Variants in CASP10 observed in about 807,000 individuals in gnomAD.
The protein encoded by CASP10 is caspase 10.
CASP10 carries 41 observed loss-of-function variants against 48.5 expected under a neutral mutation model. The observed-to-expected ratio is 0.85, with a 90% CI of 0.66 to 1.10. CASP10 has a LOEUF of 1.10. Among genes scored for constraint, CASP10 ranks in the 50% least tolerant of loss-of-function variants. CASP10 has a pLI of 0.00. For missense variants in CASP10, 614 were observed against 614.5 expected (o/e 1.00, Z 0.01); for synonymous variants, 232 against 238.4 (o/e 0.97, Z 0.25).
At position 201,218,178 on chromosome 2, in the gene CASP10, C is replaced by A. The variant is rs1340540877; in HGVS notation, c.*437C>A. On this transcript the variant is annotated 3_prime_UTR_variant, in exon 10 of 10. Transcript: ENST00000286186. ...CCCAAGTGATCCTCCCACCTCTGTCCCCAAAATACTGGGATTATAGGCACG... is the reference window on the plus strand; with the variant it reads ...CCCAAGTGATCCTCCCACCTCTGTCACCAAAATACTGGGATTATAGGCACG... 9.7e-7 allele frequency: 1 copy of A among 1,027,312 alleles called. No individual in the cohort carries two copies. Among genetic ancestry groups the A allele is most frequent in the African/African-American group, 1.8e-5 (1 of 56,518 alleles). The allele number at this position is 1,027,312 out of a possible 1,614,324, so 63.6% of individuals were successfully genotyped here. A position where few individuals can be genotyped will look rare whatever the true frequency, so the allele number is the denominator to read the frequency against.
chr2:201,210,364 C>G (rs1336930953), intron 9 of CASP10, among the ~76,000 whole-genome samples: 1 of 152,244 alleles, frequency 6.6e-6, no homozygotes, highest in African/African-American at 2.4e-5. Context: ...TTTATATCCT[C>G]AGCCCCTGAC....
chr2:201,185,684 G>A (rs1944389314), intron 1 of CASP10, 87 bp from the exon 2 acceptor site: 1 of 843,054 alleles, frequency 1.2e-6, no homozygotes, highest in African/African-American at 1.7e-5. Flanking sequence ...GAACGGAGAA[G>A]GTTGTGGTGA....
At chr2:201,222,763 C>T (rs992014738), downstream of CASP10, among the ~76,000 whole-genome samples, 1 of 152,148 alleles carries the variant, frequency 6.6e-6, no homozygotes, top group Non-Finnish European at 1.5e-5. Context: ...GCATCTGGTA[C>T]GCTGTGGTAC....
chr2:201,192,394 A>AAATAATAATAATAAT (rs35491925), intron 3 of CASP10, among the ~76,000 whole-genome samples: 33 of 148,984 alleles, frequency 2.2e-4, no homozygotes, highest in Admixed American at 1.0e-3. Flanking sequence ...CTCCATCTCA[A>AAATAATAATAATAAT]AATAATAATA....
chr2:201,215,469 T>C (rs1945541876), intron 9 of CASP10, among the ~76,000 whole-genome samples: 1 of 152,142 alleles, frequency 6.6e-6, no homozygotes, highest in Non-Finnish European at 1.5e-5. Flanking sequence ...TTTTTCTGTG[T>C]ATGGATATTC....
chr2:201,228,923 T>C (rs763789686), intron 9 of CASP10: 1 of 1,613,906 alleles, frequency 6.2e-7, no homozygotes, highest in Admixed American at 1.7e-5. Context: ...TTTCTCTTTG[T>C]GCTCAGTAGG....
Position 201,218,262 on chromosome 2 carries a change from T to C in CASP10, c.*521T>C. 2.0e-6 allele frequency: 2 copies of C among 1,009,236 alleles called. No homozygotes were observed. Among genetic ancestry groups the C allele is most frequent in the Non-Finnish European group, 2.4e-6 (2 of 844,366 alleles). 62.5% of individuals were successfully genotyped at this position (1,009,236 alleles called of 1,614,324 possible). Reference sequence around the variant, plus strand: ...TGAAGACTTGGATTGTAGCCTTGGTTTTGGATGTCTATTCTGAAGACAGAG... The same window carrying C: ...TGAAGACTTGGATTGTAGCCTTGGTCTTGGATGTCTATTCTGAAGACAGAG... On this transcript the variant is annotated 3_prime_UTR_variant, in exon 10 of 10. Transcript: ENST00000286186.
chr2:201,199,222 T>A (rs895586309), intron 5 of CASP10, among the ~76,000 whole-genome samples: 1 of 152,226 alleles, frequency 6.6e-6, no homozygotes, highest in Non-Finnish European at 1.5e-5. Context: ...CAATTATCAA[T>A]GCCAGTAAAG....
In CASP10 at chr2:201,195,871, A is replaced by G. The variant is rs754547719; in HGVS notation, c.607A>G (p.Lys203Glu). 1.2e-6 allele frequency: 2 copies of G among 1,613,806 alleles called. No homozygotes were observed. Among genetic ancestry groups the G allele is most frequent in the South Asian group, 1.1e-5 (1 of 91,076 alleles). Reference sequence around the variant, plus strand: ...CCAGATAGTGACACCTCCTGTAGACAAGGAAGCCGAGTCGTATCAAGGAGA... The same window carrying G: ...CCAGATAGTGACACCTCCTGTAGACGAGGAAGCCGAGTCGTATCAAGGAGA... Reference protein sequence around the residue: ...AIQIVTPPVDKEAESYQGEEE... With the variant: ...AIQIVTPPVDEEAESYQGEEE... Residue 203 changes from lysine to glutamate, a missense_variant, in exon 5 of 10, where the codon AAG becomes GAG. Physicochemically the swap from Lys to Glu is moderately conservative, Grantham distance 56. Coordinates refer to ENST00000286186, the MANE Select transcript of CASP10 (RefSeq NM_032977.4).
intron 5 of CASP10, among the ~76,000 whole-genome samples, chr2:201,198,273 G>T (rs1944876103): frequency 6.6e-6 from 1 of 150,484 alleles, no homozygotes; most frequent in South Asian, 2.1e-4. Flanking sequence ...GCCCAGGCTG[G>T]AGTGCAGTGG....
At position 201,208,941 on chromosome 2, in the gene CASP10, G is replaced by C; in HGVS notation, c.923-129G>C. The C allele has an allele frequency of 3.0e-6, 3 of 1,015,132 alleles. No homozygotes were observed. The South Asian group carries it at 4.9e-5, about 17-fold the overall frequency. 62.9% of individuals were successfully genotyped at this position (1,015,132 alleles called of 1,614,324 possible). A position where few individuals can be genotyped will look rare whatever the true frequency, so the allele number is the denominator to read the frequency against. ...GATCCGCCTGCTTCGGCCTTCCAAA[G>C]TGCTGAGATTATAGGTGTGAGCCAC... is the stretch of plus-strand genomic sequence containing the variant. On this transcript the variant is annotated intron_variant, in intron 8 of 9. Coordinates refer to ENST00000286186, the MANE Select transcript of CASP10 (RefSeq NM_032977.4).
chr2:201,199,433 T>C (rs1944930346), intron 5 of CASP10, among the ~76,000 whole-genome samples: 1 of 152,076 alleles, frequency 6.6e-6, no homozygotes, highest in African/African-American at 2.4e-5. Context: ...GGAGGACCAC[T>C]TGAGGCCAGG....
intron 5 of CASP10, among the ~76,000 whole-genome samples, chr2:201,201,029 C>G (rs574474416): frequency 3.3e-5 from 5 of 152,094 alleles, no homozygotes; most frequent in African/African-American, 9.6e-5. Context: ...CACCTCCCCG[C>G]TCCCCCAGAA....
intron 9 of CASP10, chr2:201,213,706 C>G (rs2126055523): frequency 6.6e-6 from 1 of 152,222 alleles, no homozygotes; most frequent in Admixed American, 6.5e-5. Context: ...GAAGTAAGTC[C>G]ATGGGGAATT....
chr2:201,184,642 G>A (rs1246042579), intron 1 of CASP10, among the ~76,000 whole-genome samples: 1 of 152,132 alleles, frequency 6.6e-6, no homozygotes, highest in Non-Finnish European at 1.5e-5. Flanking sequence ...CCTTTATAAA[G>A]TATTTTCTTG....
chr2:201,193,119 G>C lies in CASP10; in HGVS notation c.577G>C (p.Ala193Pro). The C allele has an allele frequency of 6.2e-7, 1 of 1,613,260 alleles. No homozygotes were observed. The highest frequency in any genetic ancestry group is 1.1e-5 in the South Asian group (1 of 91,016). Residue 193 changes from alanine (A) to proline (P), a missense_variant and splice_region_variant, in exon 4 of 10, where the codon GCT becomes CCT. Physicochemically the swap from Ala to Pro is conservative, Grantham distance 27. Transcript: ENST00000286186. ...RNIEKYKREKAIQIVTPPVDK... is the reference protein window; with the variant it reads ...RNIEKYKREKPIQIVTPPVDK... The stretch of plus-strand genomic sequence containing the variant: ...CATAGAGAAATACAAAAGAGAGAAA[G>C]GTAAGTAGCTTGTGATTGCTAACTT...
downstream of CASP10, among the ~76,000 whole-genome samples, chr2:201,222,748 T>C (rs958811450): frequency 5.3e-5 from 8 of 152,146 alleles, no homozygotes; most frequent in Non-Finnish European, 4.4e-5. Flanking sequence ...GTGTAAAACA[T>C]ATAAGCATCT....
chr2:201,197,567 A>C (rs76313819), intron 5 of CASP10, among the ~76,000 whole-genome samples: 1 of 152,202 alleles, frequency 6.6e-6, no homozygotes, highest in African/African-American at 2.4e-5. Context: ...GTGAGCTGAG[A>C]TTGCATCACT....
chr2:201,227,394 G>A (rs1383883599), intron 9 of CASP10, among the ~76,000 whole-genome samples: 1 of 152,034 alleles, frequency 6.6e-6, no homozygotes, highest in African/African-American at 2.4e-5. Context: ...GCCAAAGCAA[G>A]GATAAGGGGT....
Sources: gnomAD v4.1 joint callset for allele counts (sites outside exome capture counted in the v4.1 genomes callset) on GRCh38, gnomAD v4.1.1 for gene constraint, MANE v1.5 for transcripts, NCBI Gene and HGNC (gene_info 2026-07-23, HGNC 2026-07-21) for gene names.